F8: variants seen among roughly 807,000 people sequenced by gnomAD.
F8 encodes coagulation factor VIII.
Under a neutral mutation model 140.6 loss-of-function variants are expected in F8, and 12 were observed. The observed-to-expected ratio is 0.09, with a 90% confidence interval of 0.05 to 0.14. The LOEUF is 0.14. Among genes scored for constraint, F8 ranks in the 10% least tolerant of loss-of-function variants. The probability of loss-of-function intolerance (pLI) is 1.00; values close to 1 mark genes in which losing one functional copy is unlikely to be tolerated. For missense variants in F8, 1,354 were observed against 1,720.7 expected, an observed-to-expected ratio of 0.79 and a Z score of 3.77; for synonymous variants, 585 against 614.6, an observed-to-expected ratio of 0.95 and a Z score of 0.71.
intron 22 of F8, among the ~76,000 whole-genome samples, chrX:154,876,250 G>A (rs1480701084): frequency 9.2e-6 from 1 of 108,136 alleles, no homozygotes; most frequent in East Asian, 2.9e-4. Context: ...CTCCCGAGTA[G>A]CTGGGACTAC....
chrX:154,928,845 C>A lies in F8; in HGVS notation c.4945G>T (p.Gly1649Cys). The change falls in exon 14 of 26, where the codon GGT becomes TGT. Residue 1649 changes from glycine (G) to cysteine (C), a missense_variant. Transcript: ENST00000360256. ...TGAGAGCACAGCCTTTCAGTCCTAC[C>A]TTGCTTTGCCCAGGTGACTTCTATT... ...PEIEVTWAKQGRTERLCSQNP... is the reference protein window; with the variant it reads ...PEIEVTWAKQCRTERLCSQNP... 2.5e-6 allele frequency: 3 copies of A among 1,211,921 alleles called. No individual in the cohort carries two copies. Among genetic ancestry groups the A allele is most frequent in the Non-Finnish European group, 3.3e-6 (3 of 895,529 alleles).
intron 22 of F8, among the ~76,000 whole-genome samples, chrX:154,877,470 A>G (rs1557274114): frequency 9.0e-6 from 1 of 111,678 alleles, no homozygotes; most frequent in Non-Finnish European, 1.9e-5. Flanking sequence ...TAGAAGCTGG[A>G]AAAGAAAGGA....
rs1271047573 is a variant in F8, at chrX:154,997,226, G to T, written c.266-131C>A. ...TAATTACTGACAAAAAGTAGTATTT[G>T]CTTGCTGCCAACATCAGCCTAACCT... is the stretch of plus-strand genomic sequence containing the variant. On this transcript the variant is annotated intron_variant, in intron 2 of 25. Coordinates refer to ENST00000360256, the MANE Select transcript of F8 (RefSeq NM_000132.4). 1.4e-5 allele frequency: 11 copies of T among 796,028 alleles called. No individual in the cohort carries two copies. The African/African-American group carries it at 2.0e-4, about 15-fold the overall frequency. The allele number at this position is 796,028 out of a possible 1,213,427, so 65.6% of individuals were successfully genotyped here.
intron 22 of F8, among the ~76,000 whole-genome samples, chrX:154,866,336 T>C (rs1307147621): frequency 9.0e-6 from 1 of 111,628 alleles, no homozygotes; most frequent in Admixed American, 9.6e-5. Context: ...GAATAGATCA[T>C]CCCAACAGAA....
At chrX:155,020,131 G>C (rs1557287374) in intron 1 of F8, among the ~76,000 whole-genome samples, 1 of 111,704 alleles carries the variant, frequency 9.0e-6, no homozygotes, top group Non-Finnish European at 1.9e-5. Context: ...CCAGATATCA[G>C]AAGATATCAT....
At chrX:154,919,602 G>T in intron 14 of F8, 1 of 796,577 alleles carries the variant, frequency 1.3e-6, no homozygotes, top group South Asian at 2.5e-5. Context: ...GCATCTGCTT[G>T]GTGGCATTGT....
intron 18 of F8, 104 bp from the exon 19 acceptor site, chrX:154,902,271 T>C (rs2073014158): frequency 1.0e-5 from 6 of 598,502 alleles, no homozygotes; most frequent in Non-Finnish European, 1.4e-5. Context: ...CCAAATTTGG[T>C]AGTTCCACTA....
Position 154,928,942 on chromosome X carries a change from G to A in F8, c.4848C>T (p.Thr1616=), listed in dbSNP as rs782422378. 15 of 1,211,224 alleles carry A rather than the reference G, an allele frequency of 1.2e-5. No homozygotes were observed. The East Asian group carries it at 4.1e-4, about 33-fold the overall frequency. Residue 1616 remains threonine, a synonymous_variant, in exon 14 of 26, where the codon ACC becomes ACT. Coordinates refer to ENST00000360256, the MANE Select transcript of F8 (RefSeq NM_000132.4). ...TTTCACAAGCGTTCAGGGACAAAAT[G>A]GTATCCTTTTTCTTAAAAGCTGTTT... is the stretch of plus-strand genomic sequence containing the variant. ...PEKTAFKKKD[T]ILSLNACESN...
rs2073173691 is a variant in F8, at chrX:154,928,732, G to A, written c.5058C>T (p.Thr1686=). The change falls in exon 14 of 26, where the codon ACC becomes ACT. Residue 1686 remains threonine, a synonymous_variant. Transcript: ENST00000360256. ...CTTCCTTCTTCATTTCAACTGATATGGTATCATCATAGTCAATTTCCTCTT... is the reference window on the plus strand; with the variant it reads ...CTTCCTTCTTCATTTCAACTGATATAGTATCATCATAGTCAATTTCCTCTT... ...SDQEEIDYDD[T]ISVEMKKEDF... 10 of 1,208,793 alleles carry A rather than the reference G, an allele frequency of 8.3e-6. No individual in the cohort carries two copies. Among genetic ancestry groups the A allele is most frequent in the Non-Finnish European group, 1.0e-5 (9 of 894,703 alleles).
chrX:154,973,593 T>G (rs1445040157), intron 6 of F8, among the ~76,000 whole-genome samples: 7 of 112,220 alleles, frequency 6.2e-5, no homozygotes, highest in Admixed American at 5.7e-4. Flanking sequence ...TTTGTAGCTA[T>G]TGTAAACGTG....
chrX:154,924,273 T>C (rs2124040043), intron 14 of F8, among the ~76,000 whole-genome samples: 1 of 110,809 alleles, frequency 9.0e-6, no homozygotes, highest in East Asian at 2.8e-4. Context: ...CAGGCAGAGG[T>C]TGGAACAGTT....
Position 154,999,493 on chromosome X carries a change from C to T in F8, c.251G>A (p.Arg84Lys). 8.3e-7 allele frequency: 1 copy of T among 1,207,413 alleles called. No homozygotes were observed. Among genetic ancestry groups the T allele is most frequent in the Non-Finnish European group, 1.1e-6 (1 of 892,585 alleles). Residue 84 changes from arginine to lysine, a missense_variant, in exon 2 of 26, where the codon AGG (arginine) becomes AAG (lysine). Coordinates refer to ENST00000360256, the MANE Select transcript of F8 (RefSeq NM_000132.4). The part of the protein sequence containing the change: ...TDHLFNIAKP[R>K]PPWMGLLGPT... ...GTTTTCATTACCCATCCAGGGTGGC[C>T]TTGGCTTAGCGATGTTGAAAAGGTG...
chrX:154,894,548 G>T (rs2072968898), intron 22 of F8, among the ~76,000 whole-genome samples: 1 of 110,689 alleles, frequency 9.0e-6, no homozygotes, highest in Admixed American at 9.6e-5. Flanking sequence ...GCAAAACCCT[G>T]TCTCTACTAA....
At position 154,972,707 on chromosome X, in the gene F8, C is replaced by CTTTTTTTTTTTTTTTTTTTTTTTT. The variant is rs1184930129; in HGVS notation, c.788-3179_788-3156dup. On this transcript the variant is annotated intron_variant, in intron 6 of 25. Coordinates refer to ENST00000360256, the MANE Select transcript of F8 (RefSeq NM_000132.4). ...GTTCTTTTCTTTTCTTTCTGTCTTT[C>CTTTTTTTTTTTTTTTTTTTTTTTT]TTTTTTTTTTTTTTTTTTTTTTTTT... 9.0e-5 allele frequency among the ~76,000 whole-genome samples: 5 copies of CTTTTTTTTTTTTTTTTTTTTTTTT among 55,281 alleles called. 1 individual carries two copies. Among genetic ancestry groups the CTTTTTTTTTTTTTTTTTTTTTTTT allele is most frequent in the Non-Finnish European group, 1.7e-4 (5 of 29,527 alleles). 48.0% of individuals were successfully genotyped at this position (55,281 alleles called of 115,157 possible).
At chrX:154,862,001 T>C (rs2072695773) in intron 23 of F8, 135 bp from the exon 24 acceptor site, 13 of 766,919 alleles carry the variant, frequency 1.7e-5, no homozygotes, top group Non-Finnish European at 3.9e-6. Context: ...GCACAGATTC[T>C]GTTATTGGTT....
At chrX:154,918,809 T>TTA (rs1358266011) in intron 14 of F8, 2 of 78,524 alleles carry the variant, frequency 2.5e-5, no homozygotes, top group African/African-American at 4.1e-5. Context: ...TTTTTTTTTT[T>TTA]AATAAAGCCC....
chrX:154,993,258 A>G, intron 3 of F8, 110 bp from the exon 4 acceptor site: 2 of 660,664 alleles, frequency 3.0e-6, no homozygotes, highest in South Asian at 2.7e-5. Context: ...GACTTTCTGC[A>G]TCTTTGTTGT....
Position 154,894,329 on chromosome X carries a change from C to T in F8, c.6429+1748G>A, listed in dbSNP as rs143890050. Reference sequence around the variant, plus strand: ...TATAGAGTTCAACACTTTTTGTCAACAAAAGTGATGCTACATAACTTAGAA... The same window carrying T: ...TATAGAGTTCAACACTTTTTGTCAATAAAAGTGATGCTACATAACTTAGAA... On this transcript the variant is annotated intron_variant, in intron 22 of 25. Transcript: ENST00000360256. Among the ~76,000 whole-genome samples the T allele has an allele frequency of 1.1e-4, 9 of 80,617 alleles. No individual in the cohort carries two copies. In the East Asian group the frequency reaches 3.3e-3, roughly 29 times the overall value. The allele number at this position is 80,617 out of a possible 115,157, so 70.0% of individuals were successfully genotyped here. A position where few individuals can be genotyped will look rare whatever the true frequency, so the allele number is the denominator to read the frequency against.
intron 6 of F8, among the ~76,000 whole-genome samples, chrX:154,979,403 G>A (rs1557283306): frequency 9.0e-6 from 1 of 111,436 alleles, no homozygotes; most frequent in East Asian, 2.8e-4. Context: ...GGTACTGGGG[G>A]CAGGTAGAGC....
Sources: gnomAD v4.1 joint callset for allele counts (sites outside exome capture counted in the v4.1 genomes callset) on GRCh38, gnomAD v4.1.1 for gene constraint, MANE v1.5 for transcripts, NCBI Gene and HGNC (gene_info 2026-07-23, HGNC 2026-07-21) for gene names.